FER1L6: variants seen among roughly 807,000 people sequenced by gnomAD.
The protein encoded by FER1L6 is fer-1 like family member 6, also known as fer-1-like protein 6.
In FER1L6, 177 loss-of-function variants were observed where a neutral mutation model predicts 219.2. The observed-to-expected ratio is 0.81, with a 90% CI of 0.71 to 0.91. The LOEUF is 0.91. FER1L6 is among the 40% of genes least tolerant of loss of function. The probability of loss-of-function intolerance (pLI) is 0.00; values close to 1 mark genes in which losing one functional copy is unlikely to be tolerated. For missense variants in FER1L6, 2,153 were observed against 2,259.9 expected, an observed-to-expected ratio of 0.95 and a Z score of 0.96; for synonymous variants, 768 against 824.3, an observed-to-expected ratio of 0.93 and a Z score of 1.17.
intron 15 of FER1L6, among the ~76,000 whole-genome samples, chr8:124,015,591 A>ATG (rs1818158404): frequency 1.1e-5 from 1 of 88,870 alleles, no homozygotes; most frequent in Non-Finnish European, 2.2e-5. Flanking sequence ...ATATATATAT[A>ATG]TATATATATA....
rs1163089461 is a variant in FER1L6, at chr8:123,895,912, T to G, written c.-8+43727T>G. Among the ~76,000 whole-genome samples, 3 of 152,166 alleles carry G rather than the reference T, an allele frequency of 2.0e-5. No homozygotes were observed. The East Asian group carries it at 5.8e-4, about 29-fold the overall frequency. ...GAAAATAGAGATGAGGAGATCAGTATAAACAGGAGGGACAATAGGGATGGA... is the reference window on the plus strand; with the variant it reads ...GAAAATAGAGATGAGGAGATCAGTAGAAACAGGAGGGACAATAGGGATGGA... On this transcript the variant is annotated intron_variant, in intron 1 of 40. Transcript: ENST00000522917.
chr8:124,075,720 T>C (rs992635209), intron 31 of FER1L6, among the ~76,000 whole-genome samples: 2 of 152,230 alleles, frequency 1.3e-5, no homozygotes, highest in Non-Finnish European at 2.9e-5. Context: ...TGCACTACAA[T>C]GCTGCAACAG....
At chr8:123,857,137 G>T (rs968335734) in intron 1 of FER1L6, among the ~76,000 whole-genome samples, 1 of 152,170 alleles carries the variant, frequency 6.6e-6, no homozygotes, top group Non-Finnish European at 1.5e-5. Context: ...TGAAAAATCA[G>T]AAAAATCTCA....
At chr8:124,072,956 C>T (rs1821138408) in intron 31 of FER1L6, among the ~76,000 whole-genome samples, 1 of 152,224 alleles carries the variant, frequency 6.6e-6, no homozygotes, top group Admixed American at 6.5e-5. Context: ...GGCTTTGAGA[C>T]TCACAAAGCT....
intron 1 of FER1L6, among the ~76,000 whole-genome samples, chr8:123,886,375 A>G (rs904650672): frequency 6.6e-6 from 1 of 152,144 alleles, no homozygotes; most frequent in Non-Finnish European, 1.5e-5. Context: ...TGCTCTCACA[A>G]GAGTGGATTA....
At chr8:124,109,881 G>C (rs773815804) in intron 39 of FER1L6, among the ~76,000 whole-genome samples, 1 of 152,186 alleles carries the variant, frequency 6.6e-6, no homozygotes, top group Non-Finnish European at 1.5e-5. Flanking sequence ...TTGCTAATAT[G>C]AACTGACTAC....
chr8:123,860,314 CA>C (rs1386344540), intron 1 of FER1L6, among the ~76,000 whole-genome samples: 2 of 114,850 alleles, frequency 1.7e-5, no homozygotes, highest in African/African-American at 7.6e-5. Context: ...ATGAACTCAT[CA>C]TTTTTTATGG....
At chr8:123,907,386 T>C (rs946748393) in intron 1 of FER1L6, among the ~76,000 whole-genome samples, 1 of 152,112 alleles carries the variant, frequency 6.6e-6, no homozygotes, top group African/African-American at 2.4e-5. Context: ...CCCTCCATTA[T>C]GGCCCATGCC....
chr8:123,856,292 GTATA>G lies in FER1L6; in HGVS notation c.-8+4121_-8+4124del, dbSNP rs1255382948. On this transcript the variant is annotated intron_variant, in intron 1 of 40. Coordinates refer to ENST00000522917, the MANE Select transcript of FER1L6 (RefSeq NM_001039112.2). ...TGTATATGTGTATATATGTGTGTGTGTATATATATATATATATGTATGTGTATAT... is the reference window on the plus strand; with the variant it reads ...TGTATATGTGTATATATGTGTGTGTGTATATATATATATGTATGTGTATAT... Among the ~76,000 whole-genome samples, 25 of 67,446 alleles carry G rather than the reference GTATA, an allele frequency of 3.7e-4. 2 individuals are homozygous for G. The highest frequency in any genetic ancestry group is 1.2e-3 in the African/African-American group (21 of 17,210). 44.2% of individuals were successfully genotyped at this position (67,446 alleles called of 152,430 possible). A position where few individuals can be genotyped will look rare whatever the true frequency, so the allele number is the denominator to read the frequency against.
rs558722070 is a variant in FER1L6 at position 123,898,707 on chromosome 8, G to A, written c.-8+46522G>A. ...CATATATGTACATATATGTGTATAC[G>A]TATATACGTATATGTGTATATATAG... On this transcript the variant is annotated intron_variant, in intron 1 of 40. Transcript: ENST00000522917. Among the ~76,000 whole-genome samples the A allele has an allele frequency of 5.6e-4, 77 of 138,708 alleles. No homozygotes were observed. The South Asian group carries it at 6.4e-3, about 11-fold the overall frequency. 91.0% of individuals were successfully genotyped at this position (138,708 alleles called of 152,430 possible). A position where few individuals can be genotyped will look rare whatever the true frequency, so the allele number is the denominator to read the frequency against.
chr8:124,022,864 G>T (rs778018266), intron 17 of FER1L6, among the ~76,000 whole-genome samples: 1 of 152,050 alleles, frequency 6.6e-6, no homozygotes, highest in Non-Finnish European at 1.5e-5. Flanking sequence ...GATCCAGCTT[G>T]CATGTTCTCA....
At chr8:124,050,417 C>G (rs1055156738) in intron 22 of FER1L6, among the ~76,000 whole-genome samples, 1 of 152,004 alleles carries the variant, frequency 6.6e-6, no homozygotes, top group African/African-American at 2.4e-5. Flanking sequence ...GAAGCTGAGT[C>G]CCTGCAGTCT....
intron 12 of FER1L6, among the ~76,000 whole-genome samples, chr8:123,990,320 G>A (rs187833566): frequency 2.6e-5 from 4 of 152,272 alleles, no homozygotes; most frequent in Admixed American, 1.3e-4. Flanking sequence ...CATAGAGATT[G>A]TACTGATTTA....
intron 15 of FER1L6, among the ~76,000 whole-genome samples, chr8:124,014,671 C>A (rs1818097682): frequency 6.6e-6 from 1 of 152,032 alleles, no homozygotes; most frequent in South Asian, 2.1e-4. Context: ...TTCTGTGTCC[C>A]AACACTATTT....
chr8:123,878,682 C>T (rs569877655), intron 1 of FER1L6, among the ~76,000 whole-genome samples: 9 of 152,348 alleles, frequency 5.9e-5, no homozygotes, highest in African/African-American at 2.2e-4. Flanking sequence ...TCGTGCTTGG[C>T]ACGTAACAAG....
At chr8:124,082,179 G>GTGTT in intron 32 of FER1L6, 109 bp from the exon 33 acceptor site, 1 of 779,510 alleles carries the variant, frequency 1.3e-6, no homozygotes, top group South Asian at 1.8e-5. Context: ...GAGTTGCTGA[G>GTGTT]TGTTTAATGA....
At chr8:123,941,925 A>T (rs1345330610) in intron 1 of FER1L6, among the ~76,000 whole-genome samples, 5 of 151,986 alleles carry the variant, frequency 3.3e-5, no homozygotes, top group Non-Finnish European at 7.4e-5. Context: ...TTAAATAATC[A>T]CTTCCCCCAG....
At chr8:124,022,552 G>A (rs1239844174) in intron 17 of FER1L6, among the ~76,000 whole-genome samples, 1 of 152,152 alleles carries the variant, frequency 6.6e-6, no homozygotes, top group Non-Finnish European at 1.5e-5. Context: ...GTGCAATTTA[G>A]CTGAGTTCCT....
At chr8:123,927,297 GC>G (rs1813600876) in intron 1 of FER1L6, among the ~76,000 whole-genome samples, 1 of 152,120 alleles carries the variant, frequency 6.6e-6, no homozygotes, top group Non-Finnish European at 1.5e-5. Flanking sequence ...TTTGGCTGAA[GC>G]GATTCAGCAA....
Sources: gnomAD v4.1 joint callset for allele counts (sites outside exome capture counted in the v4.1 genomes callset) on GRCh38, gnomAD v4.1.1 for gene constraint, MANE v1.5 for transcripts, NCBI Gene and HGNC (gene_info 2026-07-23, HGNC 2026-07-21) for gene names.